The following NCOR1 variants were observed in gnomAD, a reference collection of about 807,000 sequenced individuals.
NCOR1 encodes protein phosphatase 1, regulatory subunit 109.
NCOR1 carries 63 observed loss-of-function variants against 288.1 expected under a neutral mutation model. That is an observed-to-expected ratio of 0.22 (90% CI 0.18 to 0.27). The LOEUF is 0.27. Ranked by LOEUF, NCOR1 falls within the 10% of genes least tolerant of loss-of-function variation. The pLI, the probability that NCOR1 is intolerant of heterozygous loss-of-function variation, is 1.00. For synonymous variants in NCOR1, 1,007 were observed against 1,065.9 expected, an observed-to-expected ratio of 0.94 and a Z score of 1.08; for missense variants, 2,397 against 3,019.2, an observed-to-expected ratio of 0.79 and a Z score of 4.83.
rs1054674658 is a variant in NCOR1, at chr17:16,141,612, T to C, written c.1173+1994A>G. ...TAAATACTGATAGAATCCTACAACA[T>C]ATATCAACACAAAGACAAACTCTGT... On this transcript the variant is annotated intron_variant, in intron 11 of 45. Coordinates refer to ENST00000268712, the MANE Select transcript of NCOR1 (RefSeq NM_006311.4). 4.4e-4 allele frequency among the ~76,000 whole-genome samples: 67 copies of C among 152,166 alleles called. 2 individuals are homozygous for C. Among genetic ancestry groups the C allele is most frequent in the Admixed American group, 4.4e-3 (67 of 15,276 alleles).
intron 42 of NCOR1, among the ~76,000 whole-genome samples, chr17:16,043,950 A>G (rs2058194283): frequency 6.6e-6 from 1 of 152,138 alleles, no homozygotes; most frequent in Non-Finnish European, 1.5e-5. Flanking sequence ...TGGGTGGATC[A>G]CCTGAGGTCA....
intron 42 of NCOR1, among the ~76,000 whole-genome samples, chr17:16,041,971 C>T (rs1034240054): frequency 1.3e-5 from 2 of 151,684 alleles, no homozygotes; most frequent in African/African-American, 2.4e-5. Context: ...CTCCTGACCT[C>T]GATATGCCCG....
At chr17:16,106,771 A>G (rs1162128543) in intron 19 of NCOR1, among the ~76,000 whole-genome samples, 2 of 147,050 alleles carry the variant, frequency 1.4e-5, no homozygotes, top group African/African-American at 5.0e-5. Flanking sequence ...CTACAATTCT[A>G]CTGGGAAAAT....
intron 37 of NCOR1, among the ~76,000 whole-genome samples, chr17:16,060,206 C>G (rs1368617296): frequency 1.3e-5 from 2 of 152,104 alleles, no homozygotes; most frequent in Non-Finnish European, 2.9e-5. Flanking sequence ...AATTCACTGA[C>G]CAGTGATAAA....
At chr17:16,095,239 C>T (rs1188998506) in intron 21 of NCOR1, among the ~76,000 whole-genome samples, 59 of 146,846 alleles carry the variant, frequency 4.0e-4, no homozygotes, top group African/African-American at 1.4e-3. Flanking sequence ...ATGTGAGGAG[C>T]ACCTCGGCCC....
In NCOR1 at chr17:16,071,402, TAG is replaced by T. The variant is rs777714327; in HGVS notation, c.4152+5_4152+6del. 1 of 1,605,054 alleles carries T rather than the reference TAG, an allele frequency of 6.2e-7. No individual in the cohort carries two copies. The highest frequency in any genetic ancestry group is 8.5e-7 in the Non-Finnish European group (1 of 1,175,432). On this transcript the variant is annotated splice_donor_5th_base_variant and intron_variant, in intron 30 of 45. Transcript: ENST00000268712. ...GTTACTGACAAAAAGAGCCAAAACT[TAG>T]TTACCTGGGAAATGGAACCCTCAAT...
intron 17 of NCOR1, 83 bp from the exon 18 acceptor site, chr17:16,118,110 C>G (rs981207327): frequency 5.0e-6 from 7 of 1,404,604 alleles, no homozygotes; most frequent in African/African-American, 4.3e-5. Flanking sequence ...AACTTAATCA[C>G]TGTATTCACA....
In NCOR1 at chr17:16,212,770, A is replaced by AT. The variant is rs538554617; in HGVS notation, c.-71+2591dup. Among the ~76,000 whole-genome samples the AT allele has an allele frequency of 7.2e-5, 11 of 152,098 alleles. No individual in the cohort carries two copies. In the East Asian group the frequency reaches 7.7e-4, roughly 11 times the overall value. On this transcript the variant is annotated intron_variant, in intron 1 of 45. Transcript: ENST00000268712. The stretch of plus-strand genomic sequence containing the variant: ...GAAAATTTCACCAATTCATAACACA[A>AT]TTTTTTTTAATGCTTTTAAGGCCGG...
intron 1 of NCOR1, among the ~76,000 whole-genome samples, chr17:16,202,551 A>G (rs1299393124): frequency 6.6e-6 from 1 of 152,196 alleles, no homozygotes. Flanking sequence ...AGATATAACA[A>G]TGTCTAAGTG....
At position 16,062,092 on chromosome 17, in the gene NCOR1, A is replaced by G. The variant is rs200504059; in HGVS notation, c.5387+13T>C. On this transcript the variant is annotated intron_variant, in intron 36 of 45. Transcript: ENST00000268712. ...AGAGACATTTTTTGTCAAAATATGT[A>G]CAAGAGACTGACATGATTCGTAGCT... is the stretch of plus-strand genomic sequence containing the variant. The G allele has an allele frequency of 1.3e-4, 215 of 1,609,854 alleles. 3 individuals are homozygous for G. The Admixed American group carries it at 3.6e-3, about 27-fold the overall frequency.
chr17:16,168,715 A>G (rs1038965676), intron 4 of NCOR1, among the ~76,000 whole-genome samples: 2 of 152,086 alleles, frequency 1.3e-5, no homozygotes, highest in Non-Finnish European at 2.9e-5. Context: ...TCACGCCTAT[A>G]ATCCCAGCAT....
chr17:16,101,798 T>C, intron 19 of NCOR1, 41 bp from the exon 20 acceptor site: 1 of 1,610,210 alleles, frequency 6.2e-7, no homozygotes, highest in Non-Finnish European at 8.5e-7. Flanking sequence ...CAGAACTATT[T>C]TCTGCACCTT....
chr17:16,034,727 GCT>G (rs778388502), intron 45 of NCOR1, 36 bp downstream of exon 45: 22 of 1,524,548 alleles, frequency 1.4e-5, no homozygotes, highest in Non-Finnish European at 1.9e-5. Context: ...TGATATTATT[GCT>G]CTGTCTCATT....
At chr17:16,195,646 T>C (rs1274853808) in intron 1 of NCOR1, among the ~76,000 whole-genome samples, 1 of 152,232 alleles carries the variant, frequency 6.6e-6, no homozygotes. Flanking sequence ...AAGTTTCACC[T>C]CATTGTGCTT....
rs1168442808 is a variant in NCOR1 at position 16,196,846 on chromosome 17, GA to G, written c.-70-2208del. Among the ~76,000 whole-genome samples the G allele has an allele frequency of 7.4e-3, 1,013 of 136,840 alleles. 11 individuals carry two copies. The highest frequency in any genetic ancestry group is 0.026 in the African/African-American group (955 of 36,258). 89.8% of individuals were successfully genotyped at this position (136,840 alleles called of 152,430 possible). On this transcript the variant is annotated intron_variant, in intron 1 of 45. Coordinates refer to ENST00000268712, the MANE Select transcript of NCOR1 (RefSeq NM_006311.4). ...TCTCAAAAAAAAAAAAAAAAGAAAA[GA>G]AAAAAAAAAGAAAAAAATAATTAGT...
chr17:16,087,322 A>G, intron 22 of NCOR1: 1 of 1,304,216 alleles, frequency 7.7e-7, no homozygotes, highest in East Asian at 5.5e-5. Flanking sequence ...ACCTCAGCAT[A>G]AGGCATATAG....
At chr17:16,035,794 A>G (rs1003078228) in intron 44 of NCOR1, among the ~76,000 whole-genome samples, 1 of 152,020 alleles carries the variant, frequency 6.6e-6, no homozygotes, top group African/African-American at 2.4e-5. Context: ...CTACTGCCTC[A>G]GCCACCCAAA....
Position 16,091,765 on chromosome 17 carries a change from G to A in NCOR1, c.3016+98C>T, listed in dbSNP as rs1283016270. ...TTAGGACAAATATAATAATCAGTTG[G>A]GAGGCTGACAACTTACAAAGCACAA... On this transcript the variant is annotated intron_variant, in intron 22 of 45. Coordinates refer to ENST00000268712, the MANE Select transcript of NCOR1 (RefSeq NM_006311.4). The A allele has an allele frequency of 3.8e-6, 6 of 1,580,158 alleles. No individual in the cohort carries two copies. The African/African-American group carries it at 6.7e-5, about 18-fold the overall frequency.
intron 6 of NCOR1, among the ~76,000 whole-genome samples, chr17:16,158,363 C>G (rs570998003): frequency 8.5e-5 from 13 of 152,156 alleles, no homozygotes; most frequent in Non-Finnish European, 1.8e-4. Context: ...ATGCAATGAC[C>G]TATCTTTACT....
Sources: allele counts gnomAD v4.1 joint callset (sites outside exome capture counted in the v4.1 genomes callset), GRCh38; gene constraint gnomAD v4.1.1; transcripts MANE v1.5; gene names NCBI Gene and HGNC (gene_info 2026-07-23, HGNC 2026-07-21).